BRINP1: variants seen among roughly 807,000 people sequenced by gnomAD.
BRINP1 encodes BMP/retinoic acid inducible neural specific 1, also known as BMP/retinoic acid-inducible neural-specific protein 1.
In BRINP1, 17 loss-of-function variants were observed where a neutral mutation model predicts 72.9. The observed-to-expected ratio is 0.23, with a 90% CI of 0.16 to 0.35. The LOEUF (loss-of-function observed/expected upper bound fraction) is 0.35, where lower values mean the gene tolerates loss of function less well. BRINP1 is among the 10% of genes least tolerant of loss of function. The probability of loss-of-function intolerance (pLI) is 1.00; values close to 1 mark genes in which losing one functional copy is unlikely to be tolerated. For missense variants in BRINP1, 850 were observed against 1,001.6 expected (o/e 0.85, Z 2.04); for synonymous variants, 418 against 378.5 (o/e 1.10, Z -1.21).
At chr9:119,212,091 C>T (rs1829934877) in intron 6 of BRINP1, among the ~76,000 whole-genome samples, 1 of 152,072 alleles carries the variant, frequency 6.6e-6, no homozygotes, top group Non-Finnish European at 1.5e-5. Flanking sequence ...AAATAATCAT[C>T]ATAGTACATT....
At chr9:119,255,657 G>A (rs151266104) in intron 2 of BRINP1, among the ~76,000 whole-genome samples, 2 of 152,026 alleles carry the variant, frequency 1.3e-5, no homozygotes, top group Non-Finnish European at 2.9e-5. Context: ...ACATGATTAC[G>A]AGACAGAAAG....
intron 7 of BRINP1, among the ~76,000 whole-genome samples, chr9:119,199,663 C>CT: frequency 6.6e-6 from 1 of 152,090 alleles, no homozygotes. Flanking sequence ...TCACAATACT[C>CT]TAATCTTTAA....
At chr9:119,359,373 A>G (rs1358252614) in intron 1 of BRINP1, among the ~76,000 whole-genome samples, 1 of 151,952 alleles carries the variant, frequency 6.6e-6, no homozygotes, top group Admixed American at 6.6e-5. Flanking sequence ...TTATTTTTTA[A>G]ATTTTTTGTA....
At chr9:119,222,415 C>T (rs146736795) in intron 5 of BRINP1, among the ~76,000 whole-genome samples, 67 of 152,170 alleles carry the variant, frequency 4.4e-4, no homozygotes, top group Middle Eastern at 3.4e-3. Flanking sequence ...AGAGAACATG[C>T]GGCCCACAAA....
chr9:119,254,629 GAA>G (rs1830426852), intron 2 of BRINP1, among the ~76,000 whole-genome samples: 1 of 152,144 alleles, frequency 6.6e-6, no homozygotes, highest in South Asian at 2.1e-4. Context: ...TAAGTAACAA[GAA>G]AAGTCAAAAG....
At chr9:119,265,869 C>G (rs77726285) in intron 2 of BRINP1, among the ~76,000 whole-genome samples, 1 of 152,056 alleles carries the variant, frequency 6.6e-6, no homozygotes, top group Non-Finnish European at 1.5e-5. Flanking sequence ...GTTTTTCAAT[C>G]CTCAACCTCC....
At chr9:119,294,999 A>G (rs1381364452) in intron 2 of BRINP1, among the ~76,000 whole-genome samples, 2 of 152,048 alleles carry the variant, frequency 1.3e-5, no homozygotes, top group East Asian at 3.9e-4. Context: ...TTATAGAAAT[A>G]GAAAAAAAAA....
chr9:119,355,982 G>T (rs1392012379), intron 1 of BRINP1, among the ~76,000 whole-genome samples: 1 of 151,772 alleles, frequency 6.6e-6, no homozygotes, highest in Non-Finnish European at 1.5e-5. Context: ...TAAAAATTTG[G>T]TATAGAGATA....
chr9:119,238,619 C>T (rs749654050), intron 5 of BRINP1, 36 bp downstream of exon 5: 7 of 1,336,068 alleles, frequency 5.2e-6, no homozygotes, highest in African/African-American at 1.4e-5. Context: ...ATGATGTTTC[C>T]CCCAACTGAC....
At chr9:119,231,407 C>G (rs1361728073) in intron 5 of BRINP1, among the ~76,000 whole-genome samples, 1 of 152,026 alleles carries the variant, frequency 6.6e-6, no homozygotes, top group Non-Finnish European at 1.5e-5. Flanking sequence ...CAATTTTTCC[C>G]TCTCTACAGA....
intron 2 of BRINP1, among the ~76,000 whole-genome samples, chr9:119,264,261 GA>G (rs1224547575): frequency 6.6e-6 from 1 of 152,184 alleles, no homozygotes; most frequent in Non-Finnish European, 1.5e-5. Context: ...AGATCTGCAG[GA>G]AAGAAGTCTT....
chr9:119,258,845 C>T (rs1163365716), intron 2 of BRINP1, among the ~76,000 whole-genome samples: 7 of 152,196 alleles, frequency 4.6e-5, no homozygotes, highest in Non-Finnish European at 1.0e-4. Flanking sequence ...ATCCCCATCA[C>T]AAGTGGAGGA....
At chr9:119,332,488 T>G (rs1285504343) in intron 1 of BRINP1, among the ~76,000 whole-genome samples, 1 of 152,176 alleles carries the variant, frequency 6.6e-6, no homozygotes, top group Non-Finnish European at 1.5e-5. Flanking sequence ...GTAGAATCTA[T>G]TCCCCTTTCC....
At chr9:119,203,801 A>G (rs1487190047) in intron 7 of BRINP1, among the ~76,000 whole-genome samples, 2 of 152,038 alleles carry the variant, frequency 1.3e-5, no homozygotes, top group Non-Finnish European at 2.9e-5. Context: ...ATTATTATTA[A>G]TCTTATGTTC....
At chr9:119,266,117 G>C (rs924889764) in intron 2 of BRINP1, among the ~76,000 whole-genome samples, 3 of 152,192 alleles carry the variant, frequency 2.0e-5, no homozygotes, top group African/African-American at 7.2e-5. Flanking sequence ...GGAAAAAATA[G>C]AGCAAGTTCA....
chr9:119,329,296 C>A (rs575898915), intron 1 of BRINP1, among the ~76,000 whole-genome samples: 1 of 152,256 alleles, frequency 6.6e-6, no homozygotes, highest in East Asian at 1.9e-4. Flanking sequence ...CTACTGAAAT[C>A]AGGTGAAAAG....
chr9:119,197,987 A>G (rs2118858869), intron 7 of BRINP1, among the ~76,000 whole-genome samples: 1 of 152,304 alleles, frequency 6.6e-6, no homozygotes, highest in South Asian at 2.1e-4. Context: ...AAAAATCTGC[A>G]AACATTTGTT....
rs1280801591 is a variant in BRINP1 at position 119,208,832 on chromosome 9, G to A, written c.1032C>T (p.Leu344=). ...NDWDLQNRYK[L]LQSATEAQRQ... The stretch of plus-strand genomic sequence containing the variant: ...TCTGTGCCTCCGTGGCACTCTGCAG[G>A]AGCTTGTAGCGGTTCTGCAGGTCCC... The change falls in exon 7 of 8, where the codon CTC becomes CTT. Residue 344 remains leucine (L), a synonymous_variant. Coordinates refer to ENST00000265922, the MANE Select transcript of BRINP1 (RefSeq NM_014618.3). 1 of 1,614,022 alleles carries A rather than the reference G, an allele frequency of 6.2e-7. No homozygotes were observed. The highest frequency in any genetic ancestry group is 8.5e-7 in the Non-Finnish European group (1 of 1,180,038).
At chr9:119,274,504 GACTAAGCCCCAGC>G (rs1830635449) in intron 2 of BRINP1, among the ~76,000 whole-genome samples, 6 of 152,236 alleles carry the variant, frequency 3.9e-5, no homozygotes, top group Non-Finnish European at 8.8e-5. Context: ...CATTTCATTG[GACTAAGCCCCAGC>G]TGGCCCTGAT....
Sources: allele counts gnomAD v4.1 joint callset (sites outside exome capture counted in the v4.1 genomes callset), GRCh38; gene constraint gnomAD v4.1.1; transcripts MANE v1.5; gene names NCBI Gene and HGNC (gene_info 2026-07-23, HGNC 2026-07-21).